DESI2: variants seen among roughly 807,000 people sequenced by gnomAD.
DESI2 encodes deubiquitinase DESI2.
A neutral mutation model predicts 24.1 loss-of-function variants in DESI2; 10 were observed. The observed-to-expected ratio is 0.41, with a 90% CI of 0.26 to 0.70. The LOEUF (loss-of-function observed/expected upper bound fraction) is 0.70. Among genes scored for constraint, DESI2 ranks in the 30% least tolerant of loss-of-function variants. The pLI, the probability that DESI2 is intolerant of heterozygous loss-of-function variation, is 0.29. For synonymous variants in DESI2, 71 were observed against 87.7 expected (o/e 0.81, Z 1.06); for missense variants, 122 against 234.9 (o/e 0.52, Z 3.14).
Position 244,686,822 on chromosome 1 carries a change from T to C in DESI2, c.115+153T>C, listed in dbSNP as rs545558061. On this transcript the variant is annotated intron_variant, in intron 2 of 4. Transcript: ENST00000302550. Reference sequence around the variant, plus strand: ...TCTCCCCATATTCATTTATACTGCGTTTTGGAAAAATGCCCAAAGTAGAAT... The same window carrying C: ...TCTCCCCATATTCATTTATACTGCGCTTTGGAAAAATGCCCAAAGTAGAAT... Among the ~76,000 whole-genome samples, 3 of 152,316 alleles carry C rather than the reference T, an allele frequency of 2.0e-5. No homozygotes were observed. In the South Asian group the frequency reaches 6.2e-4, roughly 32 times the overall value.
intron 1 of DESI2, among the ~76,000 whole-genome samples, chr1:244,665,295 GCA>G (rs1375676624): frequency 1.3e-5 from 2 of 152,100 alleles, no homozygotes; most frequent in African/African-American, 4.8e-5. Flanking sequence ...TAGTGGTAGA[GCA>G]CAGTCTTGAA....
At chr1:244,669,632 C>T (rs765964995) in intron 1 of DESI2, among the ~76,000 whole-genome samples, 2 of 151,924 alleles carry the variant, frequency 1.3e-5, no homozygotes, top group African/African-American at 2.4e-5. Flanking sequence ...GAGCCAAGAT[C>T]GCACCATTAC....
intron 4 of DESI2, among the ~76,000 whole-genome samples, chr1:244,702,898 CTAAA>C (rs370266977): frequency 5.3e-5 from 8 of 151,914 alleles, no homozygotes; most frequent in African/African-American, 9.7e-5. Context: ...ATCACATTAA[CTAAA>C]TAGTCTTAGT....
intron 4 of DESI2, chr1:244,694,736 A>G (rs1677151334): frequency 1.1e-5 from 7 of 639,106 alleles, no homozygotes; most frequent in Non-Finnish European, 2.0e-5. Context: ...TTCTGTGGCT[A>G]AGACCAGAGA....
At chr1:244,695,232 C>T (rs538137568) in intron 4 of DESI2, among the ~76,000 whole-genome samples, 2 of 152,302 alleles carry the variant, frequency 1.3e-5, no homozygotes, top group East Asian at 3.9e-4. Flanking sequence ...TTTTCCCTAC[C>T]CTTCCAAAAG....
At chr1:244,686,540 C>A in intron 1 of DESI2, 57 bp from the exon 2 acceptor site, 2 of 1,087,602 alleles carry the variant, frequency 1.8e-6, no homozygotes, top group Non-Finnish European at 2.8e-6. Flanking sequence ...TTCTGTAGCG[C>A]GGAGTTGGGT....
chr1:244,706,206 A>G lies in DESI2; in HGVS notation c.*417A>G, dbSNP rs1677699426. Reference sequence around the variant, plus strand: ...CCAGATCTATGGCATAAATAGGCACACAAAAAGGTACTTAAACAGTTATAG... The same window carrying G: ...CCAGATCTATGGCATAAATAGGCACGCAAAAAGGTACTTAAACAGTTATAG... On this transcript the variant is annotated 3_prime_UTR_variant, in exon 5 of 5. Transcript: ENST00000302550. 5.5e-6 allele frequency: 1 copy of G among 182,540 alleles called. No homozygotes were observed. Among genetic ancestry groups the G allele is most frequent in the South Asian group, 1.1e-4 (1 of 9,426 alleles). 11.3% of individuals were successfully genotyped at this position (182,540 alleles called of 1,614,324 possible).
In DESI2 at chr1:244,677,870, T is replaced by C. The variant is rs142406382; in HGVS notation, c.43-8727T>C. On this transcript the variant is annotated intron_variant, in intron 1 of 4. Transcript: ENST00000302550. ...AGGGGTTTGAGGAGGCAGTGAGCTA[T>C]GATCGTACCACTGCACTCCAGCCTA... is the stretch of plus-strand genomic sequence containing the variant. 1.7e-3 allele frequency among the ~76,000 whole-genome samples: 262 copies of C among 152,264 alleles called. 1 individual carries two copies. The highest frequency in any genetic ancestry group is 6.2e-3 in the African/African-American group (256 of 41,558).
intron 1 of DESI2, among the ~76,000 whole-genome samples, chr1:244,669,657 A>G (rs977712298): frequency 1.3e-5 from 2 of 152,098 alleles, no homozygotes; most frequent in African/African-American, 2.4e-5. Context: ...CAGTCTGGAC[A>G]ACAGGAGCGA....
chr1:244,656,348 A>T (rs946489021), intron 1 of DESI2: 3 of 152,226 alleles, frequency 2.0e-5, no homozygotes, highest in Non-Finnish European at 2.9e-5. Context: ...CGTATGCATG[A>T]AAATAATTCT....
chr1:244,703,836 G>T (rs958403319), intron 4 of DESI2, among the ~76,000 whole-genome samples: 7 of 151,848 alleles, frequency 4.6e-5, no homozygotes, highest in Admixed American at 1.3e-4. Context: ...TTTTTTGTAT[G>T]TTTAGTAGAG....
At chr1:244,704,159 C>T (rs780637259) in intron 4 of DESI2, among the ~76,000 whole-genome samples, 11 of 152,102 alleles carry the variant, frequency 7.2e-5, no homozygotes, top group African/African-American at 7.2e-5. Context: ...AAAAGGTACA[C>T]GTTGTATAAT....
intron 4 of DESI2, 66 bp downstream of exon 4, chr1:244,692,086 C>T (rs1677049824): frequency 1.1e-5 from 15 of 1,310,142 alleles, no homozygotes; most frequent in Non-Finnish European, 1.5e-5. Flanking sequence ...ACTTGATATC[C>T]CACTATATTC....
chr1:244,682,163 A>G (rs1676638302), intron 1 of DESI2, among the ~76,000 whole-genome samples: 1 of 152,206 alleles, frequency 6.6e-6, no homozygotes, highest in South Asian at 2.1e-4. Flanking sequence ...ACAGCGTGGA[A>G]GGGGACCTGA....
At chr1:244,656,762 G>A (rs539471629) in intron 1 of DESI2, among the ~76,000 whole-genome samples, 1 of 152,242 alleles carries the variant, frequency 6.6e-6, no homozygotes, top group Admixed American at 6.5e-5. Context: ...GTGTTAACAA[G>A]TTTCTACCAG....
intron 1 of DESI2, among the ~76,000 whole-genome samples, chr1:244,674,847 A>G (rs1676362896): frequency 6.6e-6 from 1 of 152,180 alleles, no homozygotes; most frequent in African/African-American, 2.4e-5. Context: ...ATGTGGCTAT[A>G]TATTTTCATT....
Position 244,692,036 on chromosome 1 carries a change from TC to T in DESI2, c.351+18del, listed in dbSNP as rs373919458. The T allele has an allele frequency of 1.9e-6, 3 of 1,572,158 alleles. No individual in the cohort carries two copies. The highest frequency in any genetic ancestry group is 2.7e-5 in the African/African-American group (2 of 72,898). On this transcript the variant is annotated intron_variant, in intron 4 of 4. Transcript: ENST00000302550. ...TTTATCAGAGGTAAGCTAAATTTTATCCTAAAAGTTCTTCAAATAAATATTT... is the reference window on the plus strand; with the variant it reads ...TTTATCAGAGGTAAGCTAAATTTTATCTAAAAGTTCTTCAAATAAATATTT...
chr1:244,687,052 GA>G (rs1320331547), intron 2 of DESI2, among the ~76,000 whole-genome samples: 2 of 152,154 alleles, frequency 1.3e-5, no homozygotes, highest in Non-Finnish European at 2.9e-5. Flanking sequence ...ATTTTGGTCG[GA>G]AAGGTTGGTG....
chr1:244,703,390 T>G (rs746612947), intron 4 of DESI2, among the ~76,000 whole-genome samples: 5 of 150,168 alleles, frequency 3.3e-5, no homozygotes, highest in Non-Finnish European at 7.4e-5. Context: ...GAATCTCACT[T>G]TGTCATCCAG....
Sources: gnomAD v4.1 joint callset for allele counts (sites outside exome capture counted in the v4.1 genomes callset) on GRCh38, gnomAD v4.1.1 for gene constraint, MANE v1.5 for transcripts, NCBI Gene and HGNC (gene_info 2026-07-23, HGNC 2026-07-21) for gene names.